Variants in MED17 observed in about 807,000 individuals in gnomAD.
MED17 encodes the protein mediator of RNA polymerase II transcription subunit 17.
In MED17, 49 loss-of-function variants were observed where a neutral mutation model predicts 80.8. That is an observed-to-expected ratio of 0.61 (90% CI 0.48 to 0.77). The LOEUF (loss-of-function observed/expected upper bound fraction) is 0.77. MED17 is among the 30% of genes least tolerant of loss of function. The pLI is 0.00. For synonymous variants in MED17, 281 were observed against 280.4 expected (o/e 1.00, Z -0.02); for missense variants, 718 against 787.0 (o/e 0.91, Z 1.05).
At chr11:93,791,954 G>A (rs893636300) in intron 3 of MED17, among the ~76,000 whole-genome samples, 3 of 152,150 alleles carry the variant, frequency 2.0e-5, no homozygotes, top group South Asian at 2.1e-4. Context: ...ACTTTTGGGG[G>A]CATACTAAAG....
At chr11:93,786,220 A>T (rs568210604) in intron 1 of MED17, among the ~76,000 whole-genome samples, 12 of 152,322 alleles carry the variant, frequency 7.9e-5, no homozygotes, top group African/African-American at 2.9e-4. Context: ...TTGGAAAAAT[A>T]GGCCAAAGGT....
At chr11:93,785,264 C>G (rs1943757392) in intron 1 of MED17, among the ~76,000 whole-genome samples, 1 of 152,142 alleles carries the variant, frequency 6.6e-6, no homozygotes, top group African/African-American at 2.4e-5. Context: ...AAGCGTTTGA[C>G]TAGTGTTAAG....
chr11:93,809,047 A>G (rs1944059332), intron 10 of MED17: 1 of 156,238 alleles, frequency 6.4e-6, no homozygotes, highest in African/African-American at 2.4e-5. Context: ...GCCACCAGGG[A>G]TAGTGTGGTA....
intron 7 of MED17, 152 bp from the exon 8 acceptor site, chr11:93,797,383 A>G (rs1262476915): frequency 4.2e-6 from 3 of 711,888 alleles, no homozygotes; most frequent in Non-Finnish European, 7.4e-6. Context: ...TGTGTGACCT[A>G]GTAGTTGCTA....
Position 93,791,873 on chromosome 11 carries a change from A to C in MED17, c.637+1080A>C, listed in dbSNP as rs1481704172. 2.0e-5 allele frequency among the ~76,000 whole-genome samples: 3 copies of C among 152,170 alleles called. No homozygotes were observed. In the East Asian group the frequency reaches 5.8e-4, roughly 29 times the overall value. On this transcript the variant is annotated intron_variant, in intron 3 of 11. Coordinates refer to ENST00000251871, the MANE Select transcript of MED17 (RefSeq NM_004268.5). ...TGTTTTTATGTCCTGAGTGAAGAGA[A>C]AGGGTGGCAAAAAGGTTTGCTTTCC...
At chr11:93,797,346 G>T in intron 7 of MED17, 189 bp from the exon 8 acceptor site, 3 of 599,532 alleles carry the variant, frequency 5.0e-6, no homozygotes, top group Non-Finnish European at 8.8e-6. Context: ...GCTTGAGAGC[G>T]ACCCTTCTCT....
rs1479963505 is a variant in MED17, at chr11:93,793,809, A to G, written c.719A>G (p.Tyr240Cys). 6.2e-7 allele frequency: 1 copy of G among 1,608,466 alleles called. No homozygotes were observed. The highest frequency in any genetic ancestry group is 8.5e-7 in the Non-Finnish European group (1 of 1,175,192). Residue 240 changes from tyrosine to cysteine, a missense_variant, in exon 4 of 12, where the codon TAC becomes TGC. Physicochemically the swap from Tyr to Cys is radical, Grantham distance 194. Coordinates refer to ENST00000251871, the MANE Select transcript of MED17 (RefSeq NM_004268.5). ...LDLDKKIPED[Y>C]CPLDVQIPSD... Reference sequence around the variant, plus strand: ...CTGGATAAAAAGATACCTGAAGATTACTGTCCTCTTGATGTCCAAATTCCT... The same window carrying G: ...CTGGATAAAAAGATACCTGAAGATTGCTGTCCTCTTGATGTCCAAATTCCT...
chr11:93,804,003 A>G lies in MED17; in HGVS notation c.1466+2031A>G, dbSNP rs1219585529. On this transcript the variant is annotated intron_variant, in intron 9 of 11. Transcript: ENST00000251871. Reference sequence around the variant, plus strand: ...TGTGTGTGTATATATGTGTGTGTATATATATATATATATATATATATATAC... The same window carrying G: ...TGTGTGTGTATATATGTGTGTGTATGTATATATATATATATATATATATAC... 3.1e-3 allele frequency among the ~76,000 whole-genome samples: 19 copies of G among 6,126 alleles called. 1 individual carries two copies. Among genetic ancestry groups the G allele is most frequent in the Admixed American group, 4.5e-3 (1 of 224 alleles). 4.0% of individuals were successfully genotyped at this position (6,126 alleles called of 152,430 possible).
In MED17 at chr11:93,790,603, A is replaced by G. The variant is rs1406576155; in HGVS notation, c.447A>G (p.Lys149=). ...CTCAGACGTTGCAATTGATATCTAA[A>G]AAGAAGTCACTTGCTGGAGCAGCAC... ...QNPQTLQLIS[K]KKSLAGAAQI... The change falls in exon 3 of 12, where the codon AAA becomes AAG. Residue 149 remains lysine (K), a synonymous_variant. Transcript: ENST00000251871. The G allele has an allele frequency of 5.6e-6, 9 of 1,614,034 alleles. No homozygotes were observed. The highest frequency in any genetic ancestry group is 7.6e-6 in the Non-Finnish European group (9 of 1,180,030).
chr11:93,809,562 C>G, intron 10 of MED17, 155 bp from the exon 11 acceptor site: 1 of 761,778 alleles, frequency 1.3e-6, no homozygotes, highest in Non-Finnish European at 2.3e-6. Context: ...TATTCCCTCC[C>G]CCTAAGTTAC....
chr11:93,795,558 A>AT, intron 6 of MED17: 1 of 64,690 alleles, frequency 1.5e-5, no homozygotes, highest in East Asian at 5.9e-4. Flanking sequence ...AAACAAACAA[A>AT]TTAAAAAAAA....
chr11:93,811,767 A>T, intron 11 of MED17, 86 bp from the exon 12 acceptor site: 1 of 1,235,316 alleles, frequency 8.1e-7, no homozygotes, highest in Middle Eastern at 1.9e-4. Context: ...TTTTGTATTC[A>T]CAGTAGAATG....
Position 93,812,403 on chromosome 11 carries a change from A to T in MED17, c.*339A>T. The T allele has an allele frequency of 2.0e-6, 1 of 501,426 alleles. No homozygotes were observed. The highest frequency in any genetic ancestry group is 3.5e-6 in the Non-Finnish European group (1 of 289,118). The allele number at this position is 501,426 out of a possible 1,614,324, so 31.1% of individuals were successfully genotyped here. Reference sequence around the variant, plus strand: ...ATCAAATAAAGTATGTGGTTTAAAAAAATCTCCAAATACCTTTTTTTCCCC... The same window carrying T: ...ATCAAATAAAGTATGTGGTTTAAAATAATCTCCAAATACCTTTTTTTCCCC... On this transcript the variant is annotated 3_prime_UTR_variant, in exon 12 of 12. Coordinates refer to ENST00000251871, the MANE Select transcript of MED17 (RefSeq NM_004268.5).
At chr11:93,809,938 T>C in intron 11 of MED17, 62 bp downstream of exon 11, 1 of 1,540,954 alleles carries the variant, frequency 6.5e-7, no homozygotes, top group Non-Finnish European at 9.0e-7. Flanking sequence ...CATTTAGTTT[T>C]AATAATTAAA....
rs1241873294 is a variant in MED17 at position 93,791,059 on chromosome 11, G to T, written c.637+266G>T. Among the ~76,000 whole-genome samples, 6 of 152,212 alleles carry T rather than the reference G, an allele frequency of 3.9e-5. No individual in the cohort carries two copies. The South Asian group carries it at 6.2e-4, about 16-fold the overall frequency. On this transcript the variant is annotated intron_variant, in intron 3 of 11. Transcript: ENST00000251871. ...GGAGGTGGAGGTTGCAGTGAGCCAA[G>T]ATCGCACCATTGCTCTCCAGCATGG...
intron 5 of MED17, 131 bp from the exon 6 acceptor site, chr11:93,794,777 A>C (rs1365126809): frequency 2.0e-6 from 2 of 985,408 alleles, no homozygotes; most frequent in Non-Finnish European, 3.0e-6. Context: ...TAGAGACTGA[A>C]TAGGAAAAAA....
At chr11:93,796,357 G>T (rs547826105) in intron 6 of MED17, 53 bp from the exon 7 acceptor site, 9 of 1,465,244 alleles carry the variant, frequency 6.1e-6, no homozygotes, top group Non-Finnish European at 8.6e-6. Flanking sequence ...GACAGTTTAT[G>T]CCTTTCCATA....
chr11:93,796,685 C>T lies in MED17; in HGVS notation c.1143+145C>T, dbSNP rs550175599. On this transcript the variant is annotated intron_variant, in intron 7 of 11. Coordinates refer to ENST00000251871, the MANE Select transcript of MED17 (RefSeq NM_004268.5). ...TGATGTGAAAGATCCTTGCTGTGTG[C>T]TAGGGGAATACAGAGATAATCACAA... The T allele has an allele frequency of 3.1e-6, 3 of 976,862 alleles. No homozygotes were observed. In the Admixed American group the frequency reaches 5.2e-5, roughly 17 times the overall value. The allele number at this position is 976,862 out of a possible 1,614,324, so 60.5% of individuals were successfully genotyped here.
chr11:93,796,680 G>C (rs531902823), intron 7 of MED17, 140 bp downstream of exon 7: 2 of 997,016 alleles, frequency 2.0e-6, no homozygotes, highest in Non-Finnish European at 3.1e-6. Context: ...GATCCTTGCT[G>C]TGTGCTAGGG....
Sources: allele counts gnomAD v4.1 joint callset (sites outside exome capture counted in the v4.1 genomes callset), GRCh38; gene constraint gnomAD v4.1.1; transcripts MANE v1.5; gene names NCBI Gene and HGNC (gene_info 2026-07-23, HGNC 2026-07-21).